The following AKAP13 variants were observed in gnomAD, a reference collection of about 807,000 sequenced individuals.
AKAP13 encodes A-kinase anchoring protein 13.
AKAP13 carries 80 observed loss-of-function variants against 264.5 expected under a neutral mutation model. That is an observed-to-expected ratio of 0.30 (90% confidence interval 0.25 to 0.36). The LOEUF (loss-of-function observed/expected upper bound fraction) is 0.36. Among genes scored for constraint, AKAP13 ranks in the 10% least tolerant of loss-of-function variants. AKAP13 has a pLI of 1.00. For missense variants in AKAP13, 3,712 were observed against 3,435.2 expected, an observed-to-expected ratio of 1.08 and a Z score of -2.01; for synonymous variants, 1,380 against 1,250.2, an observed-to-expected ratio of 1.10 and a Z score of -2.19.
At chr15:85,676,519 GGAGA>G (rs2084237733) in intron 14 of AKAP13, among the ~76,000 whole-genome samples, 1 of 152,198 alleles carries the variant, frequency 6.6e-6, no homozygotes, top group African/African-American at 2.4e-5. Flanking sequence ...AGGTGAGCAG[GGAGA>G]GGAATGAGCC....
chr15:85,408,535 A>G (rs561774331), intron 1 of AKAP13, among the ~76,000 whole-genome samples: 1 of 151,766 alleles, frequency 6.6e-6, no homozygotes, highest in East Asian at 1.9e-4. Flanking sequence ...GTTTCTATGG[A>G]TTTGACTATT....
intron 8 of AKAP13, among the ~76,000 whole-genome samples, chr15:85,613,175 A>G (rs1272654395): frequency 6.6e-6 from 1 of 152,206 alleles, no homozygotes; most frequent in Non-Finnish European, 1.5e-5. Flanking sequence ...GACAACATAA[A>G]TGGTTATCAA....
At chr15:85,518,230 T>G (rs2076681442) in intron 2 of AKAP13, among the ~76,000 whole-genome samples, 1 of 152,176 alleles carries the variant, frequency 6.6e-6, no homozygotes, top group Non-Finnish European at 1.5e-5. Flanking sequence ...TCCTTGTTAT[T>G]TTTTCATCAC....
intron 6 of AKAP13, among the ~76,000 whole-genome samples, chr15:85,578,285 A>G (rs1460889421): frequency 6.6e-6 from 1 of 152,192 alleles, no homozygotes; most frequent in East Asian, 1.9e-4. Flanking sequence ...GCCCACCTTA[A>G]TGTTAGCAGC....
chr15:85,677,996 T>G (rs770792913), intron 14 of AKAP13, among the ~76,000 whole-genome samples: 1 of 152,046 alleles, frequency 6.6e-6, no homozygotes, highest in East Asian at 1.9e-4. Flanking sequence ...TTTTGAACTT[T>G]TATTTTTACT....
chr15:85,734,085 G>A (rs542169882), intron 30 of AKAP13, among the ~76,000 whole-genome samples: 158 of 151,814 alleles, frequency 1.0e-3, no homozygotes, highest in African/African-American at 3.6e-3. Flanking sequence ...TGCCCGCCTC[G>A]GCCTCCCGAA....
intron 25 of AKAP13, 100 bp from the exon 26 acceptor site, chr15:85,722,972 C>A: frequency 1.4e-6 from 2 of 1,474,888 alleles, no homozygotes; most frequent in African/African-American, 1.4e-5. Context: ...AGCATAGTCA[C>A]AAAGGGAAAA....
In AKAP13 at chr15:85,565,744, C is replaced by T. The variant is rs573656100; in HGVS notation, c.663-9387C>T. On this transcript the variant is annotated intron_variant, in intron 5 of 36. Coordinates refer to ENST00000394518, the MANE Select transcript of AKAP13 (RefSeq NM_007200.5). ...TTCTAGGTATGGGCCTCATAGTTCA[C>T]CTAAGAAGGAGAGTGGACAGAGAGA... Among the ~76,000 whole-genome samples, 15 of 152,300 alleles carry T rather than the reference C, an allele frequency of 9.8e-5. No individual in the cohort carries two copies. In the South Asian group the frequency reaches 2.9e-3, roughly 29 times the overall value.
At chr15:85,710,382 C>G (rs1390251537) in intron 18 of AKAP13, 197 bp from the exon 19 acceptor site, 2 of 499,182 alleles carry the variant, frequency 4.0e-6, no homozygotes, top group Non-Finnish European at 7.2e-6. Context: ...GCAGGATAGA[C>G]AGCATCTACG....
chr15:85,571,110 G>A (rs1435719440), intron 5 of AKAP13, among the ~76,000 whole-genome samples: 1 of 152,140 alleles, frequency 6.6e-6, no homozygotes, highest in Non-Finnish European at 1.5e-5. Flanking sequence ...CCCAGTGGGG[G>A]AAGATTAGTG....
At chr15:85,651,704 A>T (rs1356761765) in intron 10 of AKAP13, 1 of 152,126 alleles carries the variant, frequency 6.6e-6, no homozygotes, top group African/African-American at 2.4e-5. Flanking sequence ...TATAAGCATC[A>T]CTTTGGAGTT....
At chr15:85,611,654 T>G (rs2080630780) in intron 8 of AKAP13, among the ~76,000 whole-genome samples, 1 of 152,232 alleles carries the variant, frequency 6.6e-6, no homozygotes. Flanking sequence ...AAAATATATT[T>G]TTGAAATACA....
At chr15:85,419,891 C>G (rs910035510) in intron 1 of AKAP13, among the ~76,000 whole-genome samples, 5 of 147,638 alleles carry the variant, frequency 3.4e-5, no homozygotes, top group Non-Finnish European at 7.4e-5. Flanking sequence ...CTTTCATATT[C>G]ATCTGTCATT....
At chr15:85,637,406 C>G (rs1303726297) in intron 8 of AKAP13, among the ~76,000 whole-genome samples, 1 of 152,122 alleles carries the variant, frequency 6.6e-6, no homozygotes. Flanking sequence ...CTATTTCATC[C>G]AACTTGATGA....
chr15:85,701,849 A>G (rs1357075658), intron 17 of AKAP13, among the ~76,000 whole-genome samples: 2 of 152,152 alleles, frequency 1.3e-5, no homozygotes, highest in East Asian at 1.9e-4. Context: ...ACATTCTTTA[A>G]TTTGCATACC....
intron 8 of AKAP13, among the ~76,000 whole-genome samples, chr15:85,599,224 T>G (rs779770053): frequency 5.3e-4 from 81 of 152,346 alleles, no homozygotes; most frequent in Middle Eastern, 3.4e-3. Flanking sequence ...ACATGGAACT[T>G]TCCTGCAGTG....
chr15:85,706,990 G>A (rs1381286860), intron 17 of AKAP13, among the ~76,000 whole-genome samples: 2 of 152,114 alleles, frequency 1.3e-5, no homozygotes, highest in Non-Finnish European at 2.9e-5. Context: ...TAAAAGAGAT[G>A]TTGGCCCAAA....
intron 1 of AKAP13, among the ~76,000 whole-genome samples, chr15:85,386,387 G>A (rs886603210): frequency 1.3e-5 from 2 of 151,192 alleles, no homozygotes; most frequent in East Asian, 2.0e-4. Context: ...TCCGCCTCCC[G>A]GGTTCAAGTG....
chr15:85,730,762 A>T, intron 30 of AKAP13, 55 bp downstream of exon 30: 2 of 1,462,008 alleles, frequency 1.4e-6, no homozygotes, highest in Non-Finnish European at 1.9e-6. Flanking sequence ...TGGTTTACAC[A>T]CTAATATTAC....
Sources: allele counts gnomAD v4.1 joint callset (sites outside exome capture counted in the v4.1 genomes callset), GRCh38; gene constraint gnomAD v4.1.1; transcripts MANE v1.5; gene names NCBI Gene and HGNC (gene_info 2026-07-23, HGNC 2026-07-21).